The following FRK variants were observed in gnomAD, a reference collection of about 807,000 sequenced individuals.
The protein encoded by FRK is fyn related Src family tyrosine kinase.
In FRK, 51 loss-of-function variants were observed where a neutral mutation model predicts 56.4. The observed-to-expected ratio is 0.90, with a 90% CI of 0.72 to 1.14. The LOEUF (loss-of-function observed/expected upper bound fraction) is 1.14. FRK is among the 50% of genes most tolerant of loss of function. The pLI is 0.00. For missense variants in FRK, 570 were observed against 601.4 expected (o/e 0.95, Z 0.55); for synonymous variants, 245 against 217.9 (o/e 1.12, Z -1.10).
At chr6:115,994,174 G>A (rs1438184117) in intron 2 of FRK, among the ~76,000 whole-genome samples, 6 of 151,942 alleles carry the variant, frequency 3.9e-5, no homozygotes, top group African/African-American at 1.4e-4. Context: ...GTCAAGTCAA[G>A]GCAGAGATAA....
At chr6:115,952,399 A>G (rs28749226) in intron 5 of FRK, among the ~76,000 whole-genome samples, 3 of 152,058 alleles carry the variant, frequency 2.0e-5, no homozygotes, top group Non-Finnish European at 2.9e-5. Context: ...TTAGAATGGC[A>G]ATCATTAAAA....
At chr6:116,092,958 CT>C in the FRK span, among the ~76,000 whole-genome samples, 4 of 152,160 alleles carry the variant, frequency 2.6e-5, no homozygotes, top group Non-Finnish European at 5.9e-5. Flanking sequence ...CCAATATTCT[CT>C]CTCTGATAGG....
In FRK at chr6:116,038,116, G is replaced by A. The variant is rs576949779; in HGVS notation, c.344+21852C>T. On this transcript the variant is annotated intron_variant, in intron 1 of 7. Coordinates refer to ENST00000606080, the MANE Select transcript of FRK (RefSeq NM_002031.3). The stretch of plus-strand genomic sequence containing the variant: ...GCATGAGAGCCACAGAAGCAAAATG[G>A]GAGCCAGGTAAGGAAGTAGCTAGAG... 2.6e-5 allele frequency among the ~76,000 whole-genome samples: 4 copies of A among 152,280 alleles called. No homozygotes were observed. The South Asian group carries it at 8.3e-4, about 32-fold the overall frequency.
rs1772083610 is a variant in FRK, at chr6:115,938,101, A to G, written c.*4313T>C. ...AGTAAAACACTCCTCAGCAAATGCA[A>G]AAGAACGGAAGTCATAACAAACAGT... On this transcript the variant is annotated 3_prime_UTR_variant, in exon 8 of 8. Transcript: ENST00000606080. The G allele has an allele frequency of 6.6e-6, 1 of 152,118 alleles. No homozygotes were observed. The highest frequency in any genetic ancestry group is 1.5e-5 in the Non-Finnish European group (1 of 68,050). 9.4% of individuals were successfully genotyped at this position (152,118 alleles called of 1,614,324 possible).
intron 1 of FRK, among the ~76,000 whole-genome samples, chr6:116,012,450 CCT>C (rs1349488718): frequency 2.0e-5 from 3 of 152,182 alleles, no homozygotes; most frequent in African/African-American, 7.2e-5. Context: ...AGTGACTACT[CCT>C]CTGTTTTGAT....
In FRK at chr6:115,934,044, A is replaced by G. The variant is rs1772003571; in HGVS notation, c.*8370T>C. The stretch of plus-strand genomic sequence containing the variant: ...TATAAACACACAAAAAAATAAATAT[A>G]TACACACTCAACATACCCGCATGTA... On this transcript the variant is annotated 3_prime_UTR_variant, in exon 8 of 8. Coordinates refer to ENST00000606080, the MANE Select transcript of FRK (RefSeq NM_002031.3). The G allele has an allele frequency of 6.6e-6, 1 of 152,138 alleles. No individual in the cohort carries two copies. Among genetic ancestry groups the G allele is most frequent in the Admixed American group, 6.5e-5 (1 of 15,272 alleles). The allele number at this position is 152,138 out of a possible 1,614,324, so 9.4% of individuals were successfully genotyped here. A position where few individuals can be genotyped will look rare whatever the true frequency, so the allele number is the denominator to read the frequency against.
At chr6:116,015,063 A>G (rs2114721495) in intron 1 of FRK, among the ~76,000 whole-genome samples, 1 of 152,262 alleles carries the variant, frequency 6.6e-6, no homozygotes, top group African/African-American at 2.4e-5. Flanking sequence ...CACAACCACA[A>G]CCTACCACCT....
chr6:115,943,089 T>A lies in FRK; in HGVS notation c.1237A>T (p.Lys413Ter), dbSNP rs773462469. The change falls in exon 7 of 8, where the codon AAG becomes TAG. Residue 413 changes from lysine to a stop codon, truncating the protein, a stop_gained. Transcript: ENST00000606080. LOFTEE classifies it high-confidence loss of function. ...ATTCCAAATGACCATACATCGGACTTAATGCTGAATTTATTACTACGAATG... is the reference window on the plus strand; with the variant it reads ...ATTCCAAATGACCATACATCGGACTAAATGCTGAATTTATTACTACGAATG... The part of the protein sequence containing the change: ...EAIRSNKFSI[K>*]SDVWSFGILL... 3 of 1,613,504 alleles carry A rather than the reference T, an allele frequency of 1.9e-6. No individual in the cohort carries two copies. Among genetic ancestry groups the A allele is most frequent in the African/African-American group, 2.7e-5 (2 of 75,002 alleles).
chr6:116,064,447 C>T (rs1407121530), upstream of FRK, among the ~76,000 whole-genome samples: 1 of 151,866 alleles, frequency 6.6e-6, no homozygotes. Flanking sequence ...GAAAAAGAAA[C>T]AGTGTGGGAG....
chr6:115,956,694 G>T, intron 4 of FRK, 84 bp from the exon 5 acceptor site: 1 of 1,093,634 alleles, frequency 9.1e-7, no homozygotes, highest in Non-Finnish European at 1.3e-6. Context: ...CATCAAGATT[G>T]CCTCCTGCTT....
chr6:115,935,924 C>A lies in FRK; in HGVS notation c.*6490G>T, dbSNP rs892847189. The A allele has an allele frequency of 6.6e-6, 1 of 152,346 alleles. No homozygotes were observed. The highest frequency in any genetic ancestry group is 2.4e-5 in the African/African-American group (1 of 41,456). 9.4% of individuals were successfully genotyped at this position (152,346 alleles called of 1,614,324 possible). A position where few individuals can be genotyped will look rare whatever the true frequency, so the allele number is the denominator to read the frequency against. On this transcript the variant is annotated 3_prime_UTR_variant, in exon 8 of 8. Transcript: ENST00000606080. ...TGGATATGGGAGCAGCTTCAGCAGACTTAAATATCTCTGCCGGACAGCTCT... is the reference window on the plus strand; with the variant it reads ...TGGATATGGGAGCAGCTTCAGCAGAATTAAATATCTCTGCCGGACAGCTCT...
At chr6:116,061,028 T>C (rs1399883810), upstream of FRK, among the ~76,000 whole-genome samples, 1 of 152,228 alleles carries the variant, frequency 6.6e-6, no homozygotes, top group Non-Finnish European at 1.5e-5. Flanking sequence ...CTAAAATCTA[T>C]ATTCCTTTTG....
chr6:115,977,850 G>A (rs999097968), intron 2 of FRK, among the ~76,000 whole-genome samples: 1 of 152,024 alleles, frequency 6.6e-6, no homozygotes, highest in South Asian at 2.1e-4. Context: ...TATCAAAACT[G>A]GCTATTAGGT....
At chr6:116,058,287 G>A (rs1165033959) in intron 1 of FRK, among the ~76,000 whole-genome samples, 1 of 152,148 alleles carries the variant, frequency 6.6e-6, no homozygotes, top group Non-Finnish European at 1.5e-5. Flanking sequence ...GAAAGCAAAT[G>A]TTCACACAGG....
intron 4 of FRK, 89 bp from the exon 5 acceptor site, chr6:115,956,699 C>G: frequency 9.3e-7 from 1 of 1,077,854 alleles, no homozygotes; most frequent in Non-Finnish European, 1.3e-6. Flanking sequence ...AGATTGCCTC[C>G]TGCTTCTCAG....
At chr6:115,983,679 T>C (rs2114643303) in intron 2 of FRK, among the ~76,000 whole-genome samples, 1 of 152,268 alleles carries the variant, frequency 6.6e-6, no homozygotes, top group South Asian at 2.1e-4. Context: ...CTTCCTGCCT[T>C]CTTAATTCTG....
intron 1 of FRK, among the ~76,000 whole-genome samples, chr6:116,017,222 C>G (rs1775690566): frequency 6.6e-6 from 1 of 152,272 alleles, no homozygotes; most frequent in East Asian, 1.9e-4. Context: ...AAAGCTGTCT[C>G]CTTACACGTT....
chr6:115,970,038 G>C (rs905463516), intron 2 of FRK, among the ~76,000 whole-genome samples: 1 of 152,038 alleles, frequency 6.6e-6, no homozygotes, highest in Non-Finnish European at 1.5e-5. Flanking sequence ...ATGCTTCAAT[G>C]ATTAGTCAGG....
At chr6:116,031,678 A>AC (rs367897524) in intron 1 of FRK, among the ~76,000 whole-genome samples, 155 of 152,202 alleles carry the variant, frequency 1.0e-3, no homozygotes, top group African/African-American at 3.5e-3. Flanking sequence ...AAGCCATGTG[A>AC]CCCCAAGTCT....
Sources: gnomAD v4.1 joint callset for allele counts (sites outside exome capture counted in the v4.1 genomes callset) on GRCh38, gnomAD v4.1.1 for gene constraint, MANE v1.5 for transcripts, NCBI Gene and HGNC (gene_info 2026-07-23, HGNC 2026-07-21) for gene names.